Variants in DOCK4 observed in about 807,000 individuals in gnomAD.
DOCK4 encodes dedicator of cytokinesis protein 4.
A neutral mutation model predicts 268.1 loss-of-function variants in DOCK4; 97 were observed. The ratio of observed to expected loss-of-function variants is 0.36; its 90% CI spans 0.31 to 0.43. The LOEUF is 0.43. Among genes scored for constraint, DOCK4 ranks in the 20% least tolerant of loss-of-function variants. The probability of loss-of-function intolerance (pLI) is 1.00; values close to 1 mark genes in which losing one functional copy is unlikely to be tolerated. For missense variants in DOCK4, 2,145 were observed against 2,455.7 expected, an observed-to-expected ratio of 0.87 and a Z score of 2.67; for synonymous variants, 954 against 887.2, an observed-to-expected ratio of 1.08 and a Z score of -1.34.
Position 111,957,773 on chromosome 7 carries a change from G to A in DOCK4, c.702-11975C>T, listed in dbSNP as rs949137534. On this transcript the variant is annotated intron_variant, in intron 8 of 52. Transcript: ENST00000428084. ...TTGCTGAATAAATAAATGAATGAAC[G>A]AATGAACATCAGCAATTCCACAAGA... Among the ~76,000 whole-genome samples the A allele has an allele frequency of 3.9e-5, 6 of 152,124 alleles. No individual in the cohort carries two copies. In the East Asian group the frequency reaches 5.8e-4, roughly 15 times the overall value.
chr7:111,972,986 C>T (rs1169531595), intron 8 of DOCK4, among the ~76,000 whole-genome samples: 4 of 151,710 alleles, frequency 2.6e-5, no homozygotes, highest in East Asian at 1.9e-4. Context: ...TCGTATCATT[C>T]CTATGCCTTT....
chr7:111,918,452 G>A (rs1792805429), intron 12 of DOCK4, among the ~76,000 whole-genome samples: 1 of 152,222 alleles, frequency 6.6e-6, no homozygotes, highest in Non-Finnish European at 1.5e-5. Flanking sequence ...GGGGGAATAA[G>A]CCATCTGGAT....
intron 16 of DOCK4, among the ~76,000 whole-genome samples, chr7:111,881,157 T>C (rs1416412131): frequency 6.6e-6 from 1 of 151,976 alleles, no homozygotes; most frequent in Non-Finnish European, 1.5e-5. Flanking sequence ...TGGGAGAAAA[T>C]ACTTGCAAAC....
chr7:112,109,495 C>T (rs1485291401), intron 1 of DOCK4, among the ~76,000 whole-genome samples: 1 of 152,178 alleles, frequency 6.6e-6, no homozygotes, highest in Admixed American at 6.5e-5. Flanking sequence ...ATCTACCTCT[C>T]ACATAAATGC....
At position 112,184,159 on chromosome 7, in the gene DOCK4, G is replaced by A. The variant is rs1819290034; in HGVS notation, c.37+21943C>T. Reference sequence around the variant, plus strand: ...CTAATGCACAGACCTGTATTTAACAGATGCATGAGTTTCTAAGCTTTGTGA... The same window carrying A: ...CTAATGCACAGACCTGTATTTAACAAATGCATGAGTTTCTAAGCTTTGTGA... On this transcript the variant is annotated intron_variant, in intron 1 of 52. Transcript: ENST00000428084. 2.0e-5 allele frequency among the ~76,000 whole-genome samples: 3 copies of A among 152,176 alleles called. No individual in the cohort carries two copies. In the South Asian group the frequency reaches 6.2e-4, roughly 32 times the overall value.
At chr7:111,972,645 A>C (rs1269940311) in intron 8 of DOCK4, among the ~76,000 whole-genome samples, 1 of 152,162 alleles carries the variant, frequency 6.6e-6, no homozygotes, top group Non-Finnish European at 1.5e-5. Flanking sequence ...GACTGAAGCC[A>C]TAAAGATTAT....
chr7:111,817,436 C>T (rs896019671), intron 27 of DOCK4, among the ~76,000 whole-genome samples: 2 of 151,646 alleles, frequency 1.3e-5, no homozygotes, highest in Admixed American at 6.6e-5. Context: ...GATAAACTGT[C>T]GACGCTCCTA....
chr7:112,019,153 C>T (rs529156090), intron 1 of DOCK4, among the ~76,000 whole-genome samples: 11 of 152,196 alleles, frequency 7.2e-5, no homozygotes, highest in Admixed American at 1.3e-4. Flanking sequence ...TTTTGGAAGA[C>T]AATTTAAAAA....
chr7:112,136,837 G>T (rs898258138), intron 1 of DOCK4, among the ~76,000 whole-genome samples: 15 of 152,130 alleles, frequency 9.9e-5, no homozygotes, highest in African/African-American at 3.6e-4. Context: ...TTTCCAGAAG[G>T]CTAGTATGTA....
rs1798967614 is a variant in DOCK4 at position 111,783,871 on chromosome 7, C to T, written c.3510G>A (p.Arg1170=). The T allele has an allele frequency of 1.2e-6, 2 of 1,601,976 alleles. No individual in the cohort carries two copies. The highest frequency in any genetic ancestry group is 1.7e-6 in the Non-Finnish European group (2 of 1,173,794). ...LIATVTRLME[R]LLDYRDCMKM... is the part of the protein sequence containing the mutation. ...ACTTGGCTTACCTGTAATCTAACAA[C>T]CTCTCCATTAGACGAGTTACAGTAG... The change falls in exon 34 of 53, where the codon AGG becomes AGA. Residue 1170 remains arginine, a synonymous_variant. Transcript: ENST00000428084.
At chr7:112,160,074 C>A (rs1325697843) in intron 1 of DOCK4, among the ~76,000 whole-genome samples, 1 of 151,822 alleles carries the variant, frequency 6.6e-6, no homozygotes, top group Non-Finnish European at 1.5e-5. Context: ...AAAATCAAAA[C>A]AAAAATGTGA....
chr7:112,101,418 G>T (rs1810667576), intron 1 of DOCK4, among the ~76,000 whole-genome samples: 1 of 152,212 alleles, frequency 6.6e-6, no homozygotes, highest in South Asian at 2.1e-4. Flanking sequence ...TGTATACACC[G>T]TTGCTTAGCA....
In DOCK4 at chr7:111,741,230, A is replaced by G. The variant is rs767477358; in HGVS notation, c.4920-16T>C. 1.2e-6 allele frequency: 2 copies of G among 1,612,568 alleles called. No homozygotes were observed. Among genetic ancestry groups the G allele is most frequent in the Admixed American group, 1.7e-5 (1 of 59,662 alleles). On this transcript the variant is annotated splice_polypyrimidine_tract_variant and intron_variant, in intron 46 of 52. Transcript: ENST00000428084. The stretch of plus-strand genomic sequence containing the variant: ...ACTTAACGGGCTGTTTCAGGGGGAA[A>G]AAAAAGGTCATTAACTCAGTCTCCA...
At chr7:111,850,898 T>C (rs761747055) in intron 23 of DOCK4, among the ~76,000 whole-genome samples, 13 of 152,202 alleles carry the variant, frequency 8.5e-5, no homozygotes, top group South Asian at 2.1e-4. Flanking sequence ...CAAAGCCTGT[T>C]TGGTGGTCTC....
At chr7:111,791,070 T>TATATATA (rs1554593887) in intron 30 of DOCK4, among the ~76,000 whole-genome samples, 15 of 95,432 alleles carry the variant, frequency 1.6e-4, no homozygotes, top group African/African-American at 7.9e-4. Flanking sequence ...AAAAAAAAAA[T>TATATATA]TATATATATA....
rs527468234 is a variant in DOCK4, at chr7:112,169,687, G to T, written c.37+36415C>A. 2.0e-5 allele frequency among the ~76,000 whole-genome samples: 3 copies of T among 152,252 alleles called. No homozygotes were observed. The South Asian group carries it at 6.2e-4, about 32-fold the overall frequency. ...CTCCACCTTTCTCGTGTAGCCTTTA[G>T]TGAGAATTCTGGCCTCGATTCCAGC... On this transcript the variant is annotated intron_variant, in intron 1 of 52. Transcript: ENST00000428084.
At chr7:111,922,547 C>T (rs1431983207) in intron 12 of DOCK4, among the ~76,000 whole-genome samples, 1 of 151,868 alleles carries the variant, frequency 6.6e-6, no homozygotes, top group Non-Finnish European at 1.5e-5. Flanking sequence ...CTATTCTCTT[C>T]GTACACACTT....
chr7:111,889,549 T>C (rs1001174700), intron 16 of DOCK4, among the ~76,000 whole-genome samples: 7 of 152,184 alleles, frequency 4.6e-5, no homozygotes, highest in Non-Finnish European at 7.4e-5. Flanking sequence ...CAGTAGCTTC[T>C]ACCTGGATTT....
intron 12 of DOCK4, among the ~76,000 whole-genome samples, chr7:111,926,870 A>AAAGGAAGGAAGGAAGGAAGGAAGGAAGG (rs143004189): frequency 3.3e-4 from 50 of 150,010 alleles, no homozygotes; most frequent in African/African-American, 1.2e-3. Flanking sequence ...AGAGAGAGAG[A>AAAGGAAGGAAGGAAGGAAGGAAGGAAGG]AAGGAAGGAA....
Sources: gnomAD v4.1 joint callset for allele counts (sites outside exome capture counted in the v4.1 genomes callset) on GRCh38, gnomAD v4.1.1 for gene constraint, MANE v1.5 for transcripts, NCBI Gene and HGNC (gene_info 2026-07-23, HGNC 2026-07-21) for gene names.